The following SLC30A9 variants were observed in gnomAD, a reference collection of about 807,000 sequenced individuals.
The protein encoded by SLC30A9 is solute carrier family 30 member 9.
Under a neutral mutation model 87.5 loss-of-function variants are expected in SLC30A9, and 58 were observed. The ratio of observed to expected loss-of-function variants is 0.66; its 90% confidence interval spans 0.54 to 0.82. The LOEUF is 0.82. Among genes scored for constraint, SLC30A9 ranks in the 40% least tolerant of loss-of-function variants. SLC30A9 has a pLI of 0.00. For synonymous variants in SLC30A9, 234 were observed against 233.0 expected, an observed-to-expected ratio of 1.00 and a Z score of -0.04; for missense variants, 557 against 679.1, an observed-to-expected ratio of 0.82 and a Z score of 2.00.
intron 17 of SLC30A9, among the ~76,000 whole-genome samples, chr4:42,079,289 T>G (rs1718670971): frequency 6.6e-6 from 1 of 151,816 alleles, no homozygotes; most frequent in Non-Finnish European, 1.5e-5. Flanking sequence ...CTATTTAATA[T>G]AAATAACTTT....
chr4:42,029,988 CTTG>C (rs1716354557), intron 6 of SLC30A9: 2 of 920,616 alleles, frequency 2.2e-6, no homozygotes, highest in African/African-American at 1.6e-5. Context: ...GCAGCCTCTG[CTTG>C]TTGTACAGTT....
chr4:42,043,376 A>G lies in SLC30A9; in HGVS notation c.737+4323A>G, dbSNP rs368161436. ...ATAACCAGTTTAGAGAAGAACATAA[A>G]TGACCTGATGGAGCTGAAAAACACA... is the stretch of plus-strand genomic sequence containing the variant. On this transcript the variant is annotated intron_variant, in intron 8 of 17. Transcript: ENST00000264451. Among the ~76,000 whole-genome samples the G allele has an allele frequency of 7.9e-5, 12 of 152,290 alleles. No homozygotes were observed. The South Asian group carries it at 2.3e-3, about 29-fold the overall frequency.
At chr4:42,014,665 A>T (rs1007546986) in intron 2 of SLC30A9, among the ~76,000 whole-genome samples, 1 of 152,196 alleles carries the variant, frequency 6.6e-6, no homozygotes, top group African/African-American at 2.4e-5. Flanking sequence ...AGTGTCCATC[A>T]GCAAATGAAT....
intron 14 of SLC30A9, among the ~76,000 whole-genome samples, chr4:42,068,661 C>T (rs969148412): frequency 5.3e-5 from 8 of 152,184 alleles, no homozygotes; most frequent in Non-Finnish European, 8.8e-5. Flanking sequence ...GAGGACTTAA[C>T]CGTATATTGT....
At chr4:41,995,896 G>A (rs766109981) in intron 1 of SLC30A9, among the ~76,000 whole-genome samples, 28 of 152,110 alleles carry the variant, frequency 1.8e-4, no homozygotes, top group Non-Finnish European at 4.0e-4. Context: ...TTTTGTTAGA[G>A]ACTGGGTTTC....
chr4:42,070,755 G>A, intron 15 of SLC30A9, 64 bp downstream of exon 15: 1 of 1,373,694 alleles, frequency 7.3e-7, no homozygotes, highest in Non-Finnish European at 9.9e-7. Flanking sequence ...AGAAATGCCT[G>A]GTTTGTAAAT....
intron 1 of SLC30A9, among the ~76,000 whole-genome samples, chr4:41,999,845 T>G (rs541321374): frequency 2.0e-5 from 3 of 150,892 alleles, no homozygotes; most frequent in South Asian, 4.2e-4. Context: ...GATATTAAGG[T>G]TTTTTTTTAA....
chr4:42,015,404 C>T (rs1715675706), intron 2 of SLC30A9, among the ~76,000 whole-genome samples: 1 of 152,012 alleles, frequency 6.6e-6, no homozygotes, highest in Non-Finnish European at 1.5e-5. Flanking sequence ...GCAAAGAAAA[C>T]AAGATGGTAA....
intron 7 of SLC30A9, among the ~76,000 whole-genome samples, chr4:42,037,152 TTAGG>T (rs1419902607): frequency 1.3e-5 from 2 of 151,928 alleles, no homozygotes; most frequent in African/African-American, 4.8e-5. Context: ...CCTATTCCCT[TTAGG>T]AATGGTTGTT....
At position 42,068,933 on chromosome 4, in the gene SLC30A9, T is replaced by G. The variant is rs887059723; in HGVS notation, c.1253-1593T>G. ...TTCTTCCATACTTCTCTATTTGTCC[T>G]TACATATTTAAAATAATTTTAGGTG... On this transcript the variant is annotated intron_variant, in intron 14 of 17. Coordinates refer to ENST00000264451, the MANE Select transcript of SLC30A9 (RefSeq NM_006345.4). 4.6e-5 allele frequency among the ~76,000 whole-genome samples: 7 copies of G among 152,232 alleles called. No individual in the cohort carries two copies. The East Asian group carries it at 1.3e-3, about 29-fold the overall frequency.
At position 42,022,223 on chromosome 4, in the gene SLC30A9, C is replaced by T. The variant is rs146453191; in HGVS notation, c.435-615C>T. Among the ~76,000 whole-genome samples, 114 of 150,854 alleles carry T rather than the reference C, an allele frequency of 7.6e-4. No homozygotes were observed. In the East Asian group the frequency reaches 0.022, roughly 29 times the overall value. On this transcript the variant is annotated intron_variant, in intron 4 of 17. Transcript: ENST00000264451. ...GTGCTGGGATTACAGGTGTGAGCTA[C>T]CGCACCTTGCTTATTTTTCACTTTT...
intron 8 of SLC30A9, among the ~76,000 whole-genome samples, chr4:42,044,593 T>C (rs1159269849): frequency 6.6e-6 from 1 of 152,144 alleles, no homozygotes; most frequent in Non-Finnish European, 1.5e-5. Context: ...ACAAAGAGAC[T>C]TAGACTCCCA....
At chr4:42,021,954 A>G (rs1465395914) in intron 4 of SLC30A9, among the ~76,000 whole-genome samples, 47 of 15,398 alleles carry the variant, frequency 3.1e-3, no homozygotes, top group Non-Finnish European at 9.2e-3. Flanking sequence ...TTTGAGACGG[A>G]GTCTCGCTCT....
chr4:42,075,289 G>T (rs1253019268), intron 15 of SLC30A9, among the ~76,000 whole-genome samples: 1 of 151,120 alleles, frequency 6.6e-6, no homozygotes, highest in East Asian at 1.9e-4. Context: ...GGCCAGGCTG[G>T]TCTCAAACTC....
chr4:41,996,463 G>T (rs186302925), intron 1 of SLC30A9, among the ~76,000 whole-genome samples: 131 of 152,132 alleles, frequency 8.6e-4, no homozygotes, highest in African/African-American at 3.1e-3. Context: ...TGGCCCAGTC[G>T]TAGTGGCTCA....
rs1280451379 is a variant in SLC30A9, at chr4:42,001,749, CAG to C, written c.246_247del (p.Arg82SerfsTer8). On this transcript the variant is annotated frameshift_variant, in exon 2 of 18. Coordinates refer to ENST00000264451, the MANE Select transcript of SLC30A9 (RefSeq NM_006345.4). LOFTEE classifies it high-confidence loss of function. Reference protein sequence around the residue: ...QKEGQGSQTLRVEKVPSFETA... With the variant: ...QKEGQGSQTLXVEKVPSFETA... ...AAGAAGGACAGGGATCACAAACACT[CAG>C]AGTGGAAAAAGTACCATCATTTGAA... is the stretch of plus-strand genomic sequence containing the variant. 1 of 1,609,866 alleles carries C rather than the reference CAG, an allele frequency of 6.2e-7. No individual in the cohort carries two copies.
At chr4:42,075,842 G>T in intron 16 of SLC30A9, 56 bp downstream of exon 16, 1 of 1,542,464 alleles carries the variant, frequency 6.5e-7, no homozygotes, top group South Asian at 1.2e-5. Flanking sequence ...TGCTTTTAAG[G>T]TAAACAAAAT....
Position 42,001,022 on chromosome 4 carries a change from G to A in SLC30A9, c.110-594G>A, listed in dbSNP as rs113274479. ...GAATATACTTTCCTTCTGTATTTGAGCCCTTCAAAGCTCACAGTCAACCCA... is the reference window on the plus strand; with the variant it reads ...GAATATACTTTCCTTCTGTATTTGAACCCTTCAAAGCTCACAGTCAACCCA... On this transcript the variant is annotated intron_variant, in intron 1 of 17. Transcript: ENST00000264451. Among the ~76,000 whole-genome samples, 1,269 of 152,108 alleles carry A rather than the reference G, an allele frequency of 8.3e-3. 14 individuals carry two copies. Among genetic ancestry groups the A allele is most frequent in the Non-Finnish European group, 0.014 (982 of 67,876 alleles).
Position 42,086,273 on chromosome 4 carries a change from G to A in SLC30A9, c.*147G>A. The stretch of plus-strand genomic sequence containing the variant: ...ATGAAGGAAATATTTTATGTAAAGA[G>A]CAACTCAGCAGGACACAGAACTAAA... On this transcript the variant is annotated 3_prime_UTR_variant, in exon 18 of 18. Coordinates refer to ENST00000264451, the MANE Select transcript of SLC30A9 (RefSeq NM_006345.4). The A allele has an allele frequency of 2.3e-6, 1 of 428,008 alleles. No individual in the cohort carries two copies. Among genetic ancestry groups the A allele is most frequent in the Non-Finnish European group, 4.3e-6 (1 of 234,368 alleles). 26.5% of individuals were successfully genotyped at this position (428,008 alleles called of 1,614,324 possible). A position where few individuals can be genotyped will look rare whatever the true frequency, so the allele number is the denominator to read the frequency against.
Sources: allele counts gnomAD v4.1 joint callset (sites outside exome capture counted in the v4.1 genomes callset), GRCh38; gene constraint gnomAD v4.1.1; transcripts MANE v1.5; gene names NCBI Gene and HGNC (gene_info 2026-07-23, HGNC 2026-07-21).